The following NBEA variants were observed in gnomAD, a reference collection of about 807,000 sequenced individuals.
The protein encoded by NBEA is lysosomal-trafficking regulator 2.
In NBEA, 44 loss-of-function variants were observed where a neutral mutation model predicts 343.4. The ratio of observed to expected loss-of-function variants is 0.13; its 90% CI spans 0.10 to 0.16. NBEA has a LOEUF of 0.16. NBEA is among the 10% of genes least tolerant of loss of function. The pLI, the probability that NBEA is intolerant of heterozygous loss-of-function variation, is 1.00. For missense variants in NBEA, 2,555 were observed against 3,631.3 expected (o/e 0.70, Z 7.62); for synonymous variants, 1,175 against 1,238.7 (o/e 0.95, Z 1.08).
rs2071502928 is a variant in NBEA, at chr13:35,183,976, T to C, written c.4832T>C (p.Val1611Ala). ...RQEINSPTST[V>A]VVIPSIPHPS... ...TTTGATTCCATGATTTTCTCCACAG[T>C]TGTGGTCATACCATCTATCCCTCAT... Residue 1611 changes from valine to alanine, a missense_variant and splice_region_variant, in exon 30 of 59, where the codon GTT becomes GCT. Coordinates refer to ENST00000379939, the MANE Select transcript of NBEA (RefSeq NM_001385012.1). 3 of 1,608,042 alleles carry C rather than the reference T, an allele frequency of 1.9e-6. No individual in the cohort carries two copies. Among genetic ancestry groups the C allele is most frequent in the Non-Finnish European group, 8.5e-7 (1 of 1,175,802 alleles).
In NBEA at chr13:35,171,260, A is replaced by T; in HGVS notation, c.4243-12A>T. The stretch of plus-strand genomic sequence containing the variant: ...ATTTTAAACAAGACTTAAATCTTCT[A>T]CTTTTTTAAAGACGGAATTGGAAAA... On this transcript the variant is annotated splice_polypyrimidine_tract_variant and intron_variant, in intron 25 of 58. Transcript: ENST00000379939. The T allele has an allele frequency of 6.2e-7, 1 of 1,605,216 alleles. No homozygotes were observed. The highest frequency in any genetic ancestry group is 8.5e-7 in the Non-Finnish European group (1 of 1,174,742).
chr13:35,645,489 T>G (rs1354124983), intron 49 of NBEA, among the ~76,000 whole-genome samples: 1 of 152,182 alleles, frequency 6.6e-6, no homozygotes, highest in Non-Finnish European at 1.5e-5. Flanking sequence ...CCAGACAGTT[T>G]GAGGGCTAAA....
rs186312625 is a variant in NBEA, at chr13:35,254,340, T to G, written c.5776+21721T>G. On this transcript the variant is annotated intron_variant, in intron 34 of 58. Coordinates refer to ENST00000379939, the MANE Select transcript of NBEA (RefSeq NM_001385012.1). Reference sequence around the variant, plus strand: ...TATTTTTTACTTTTTTTTTTTTTTTTTTGAGACAGGGTCTTACTCTGTTAA... The same window carrying G: ...TATTTTTTACTTTTTTTTTTTTTTTGTTGAGACAGGGTCTTACTCTGTTAA... Among the ~76,000 whole-genome samples the G allele has an allele frequency of 6.9e-4, 102 of 148,582 alleles. No individual in the cohort carries two copies. In the East Asian group the frequency reaches 0.019, roughly 28 times the overall value.
intron 40 of NBEA, among the ~76,000 whole-genome samples, chr13:35,459,043 CAAGTT>C (rs1341510487): frequency 3.0e-5 from 4 of 134,682 alleles, no homozygotes; most frequent in African/African-American, 1.2e-4. Flanking sequence ...ACACACTTAC[CAAGTT>C]AAGAATCCAA....
chr13:35,504,859 C>T (rs999617357), intron 41 of NBEA, among the ~76,000 whole-genome samples: 5 of 152,170 alleles, frequency 3.3e-5, no homozygotes, highest in East Asian at 3.9e-4. Context: ...CAGTCCTCCC[C>T]GCTTGGCCTC....
intron 40 of NBEA, among the ~76,000 whole-genome samples, chr13:35,459,406 T>G (rs2046784985): frequency 6.6e-6 from 1 of 152,078 alleles, no homozygotes; most frequent in Admixed American, 6.6e-5. Context: ...TCTTTTTGAA[T>G]GCATTCACTT....
chr13:35,018,174 G>A (rs1262836693), intron 1 of NBEA, among the ~76,000 whole-genome samples: 1 of 151,992 alleles, frequency 6.6e-6, no homozygotes, highest in Non-Finnish European at 1.5e-5. Context: ...CATAAAATCT[G>A]GTAGTTTAGG....
intron 17 of NBEA, among the ~76,000 whole-genome samples, chr13:35,124,247 G>T (rs543483106): frequency 1.4e-3 from 206 of 145,682 alleles, no homozygotes; most frequent in African/African-American, 5.1e-3. Flanking sequence ...CCTCATTTTC[G>T]CCCTTGTTTT....
intron 34 of NBEA, among the ~76,000 whole-genome samples, chr13:35,270,098 T>G (rs906531467): frequency 6.6e-6 from 1 of 152,218 alleles, no homozygotes; most frequent in Non-Finnish European, 1.5e-5. Flanking sequence ...AATTATTTTT[T>G]TCTTACAAAT....
At chr13:35,532,180 G>A (rs1324884352) in intron 41 of NBEA, among the ~76,000 whole-genome samples, 3 of 152,220 alleles carry the variant, frequency 2.0e-5, no homozygotes, top group South Asian at 2.1e-4. Flanking sequence ...ATTTAGCTTC[G>A]ATTTGTCATT....
intron 41 of NBEA, among the ~76,000 whole-genome samples, chr13:35,503,147 T>G (rs1300947668): frequency 6.6e-6 from 1 of 151,932 alleles, no homozygotes; most frequent in Non-Finnish European, 1.5e-5. Context: ...TATAATGAAT[T>G]AAATGTTGTT....
intron 34 of NBEA, among the ~76,000 whole-genome samples, chr13:35,266,862 TA>T (rs2033726715): frequency 1.3e-5 from 2 of 151,916 alleles, no homozygotes; most frequent in Non-Finnish European, 1.5e-5. Context: ...CAATACCATA[TA>T]ACTTTTCAAC....
intron 8 of NBEA, among the ~76,000 whole-genome samples, chr13:35,061,118 A>G (rs1179411752): frequency 6.6e-6 from 1 of 151,666 alleles, no homozygotes; most frequent in African/African-American, 2.4e-5. Flanking sequence ...AATGTCATCA[A>G]ACTGTATATT....
At chr13:35,335,467 A>G (rs527651663) in intron 36 of NBEA, among the ~76,000 whole-genome samples, 3 of 152,128 alleles carry the variant, frequency 2.0e-5, no homozygotes, top group South Asian at 4.1e-4. Flanking sequence ...GATTCTTCCA[A>G]TCCATGAACA....
chr13:35,078,141 T>C (rs9530151), intron 10 of NBEA, among the ~76,000 whole-genome samples: 60,006 of 151,968 alleles, frequency 0.39, 12,208 homozygotes, highest in East Asian at 0.49. Context: ...TCTGCTGTCA[T>C]GCAAGTGGAC....
Position 35,545,365 on chromosome 13 carries a change from G to C in NBEA, c.6586-5112G>C, listed in dbSNP as rs183841146. Among the ~76,000 whole-genome samples the C allele has an allele frequency of 7.3e-3, 1,104 of 152,162 alleles. 7 individuals carry two copies. Among genetic ancestry groups the C allele is most frequent in the Non-Finnish European group, 0.011 (757 of 68,006 alleles). ...TCTATCCTCCACATGCCTCCCTAGC[G>C]CTGTGCCTCAAATCTCACTCTGCCA... On this transcript the variant is annotated intron_variant, in intron 41 of 58. Coordinates refer to ENST00000379939, the MANE Select transcript of NBEA (RefSeq NM_001385012.1).
intron 36 of NBEA, among the ~76,000 whole-genome samples, chr13:35,323,640 A>C (rs2038336185): frequency 6.6e-6 from 1 of 151,750 alleles, no homozygotes; most frequent in Non-Finnish European, 1.5e-5. Context: ...GGTGCAGCAC[A>C]CCAACATGGC....
At chr13:35,306,499 A>T (rs1340482764) in intron 35 of NBEA, among the ~76,000 whole-genome samples, 1 of 151,832 alleles carries the variant, frequency 6.6e-6, no homozygotes, top group African/African-American at 2.4e-5. Context: ...AATGTATACA[A>T]TATCTTCATA....
intron 48 of NBEA, among the ~76,000 whole-genome samples, chr13:35,618,901 G>A (rs2082855128): frequency 6.6e-6 from 1 of 151,986 alleles, no homozygotes; most frequent in Admixed American, 6.5e-5. Context: ...CAGATTCCTG[G>A]TGCTGCTGGG....
Sources: gnomAD v4.1 joint callset for allele counts (sites outside exome capture counted in the v4.1 genomes callset) on GRCh38, gnomAD v4.1.1 for gene constraint, MANE v1.5 for transcripts, NCBI Gene and HGNC (gene_info 2026-07-23, HGNC 2026-07-21) for gene names.